Variants in CNTN5 observed in about 807,000 individuals in gnomAD.
CNTN5 encodes contactin 5.
In CNTN5, 77 loss-of-function variants were observed where a neutral mutation model predicts 129.1. The observed-to-expected ratio is 0.60, with a 90% CI of 0.50 to 0.72. The LOEUF is 0.72. CNTN5 is among the 30% of genes least tolerant of loss of function. The probability of loss-of-function intolerance (pLI) is 0.00; values close to 1 mark genes in which losing one functional copy is unlikely to be tolerated. For synonymous variants in CNTN5, 509 were observed against 465.6 expected (o/e 1.09, Z -1.20); for missense variants, 1,478 against 1,328.8 (o/e 1.11, Z -1.75).
chr11:99,908,606 G>T (rs990052815), intron 6 of CNTN5, among the ~76,000 whole-genome samples: 1 of 152,080 alleles, frequency 6.6e-6, no homozygotes, highest in Middle Eastern at 3.4e-3. Context: ...TAAAACCTCT[G>T]CCAGAGTTCA....
At chr11:99,677,328 G>A (rs1215134882) in intron 3 of CNTN5, among the ~76,000 whole-genome samples, 1 of 152,080 alleles carries the variant, frequency 6.6e-6, no homozygotes, top group Admixed American at 6.6e-5. Context: ...CATGGGAGCT[G>A]TTTTTATTAT....
intron 8 of CNTN5, among the ~76,000 whole-genome samples, chr11:99,978,137 A>T (rs571141926): frequency 2.6e-5 from 4 of 152,218 alleles, no homozygotes; most frequent in Non-Finnish European, 5.9e-5. Flanking sequence ...TTTTAACAAA[A>T]GAATTGCAAA....
intron 13 of CNTN5, among the ~76,000 whole-genome samples, chr11:100,150,826 A>G (rs781715967): frequency 6.6e-6 from 1 of 152,136 alleles, no homozygotes; most frequent in African/African-American, 2.4e-5. Context: ...AAAAATTCAT[A>G]TGTTGAACAC....
chr11:99,774,831 T>C (rs1402472335), intron 3 of CNTN5, among the ~76,000 whole-genome samples: 3 of 152,118 alleles, frequency 2.0e-5, no homozygotes, highest in Admixed American at 2.0e-4. Context: ...TTTTGTTCTT[T>C]TCTACTACAT....
intron 3 of CNTN5, among the ~76,000 whole-genome samples, chr11:99,750,328 G>T (rs558353889): frequency 6.6e-6 from 1 of 152,080 alleles, no homozygotes; most frequent in East Asian, 1.9e-4. Flanking sequence ...TGACAGTTTG[G>T]AAAGAGAATT....
intron 3 of CNTN5, among the ~76,000 whole-genome samples, chr11:99,683,511 C>T (rs999814092): frequency 4.6e-5 from 7 of 151,718 alleles, no homozygotes; most frequent in Non-Finnish European, 8.8e-5. Context: ...ATCGTTGTGC[C>T]AATATCATAC....
intron 1 of CNTN5, among the ~76,000 whole-genome samples, chr11:99,081,346 T>G (rs1865789754): frequency 1.3e-5 from 2 of 152,174 alleles, no homozygotes; most frequent in South Asian, 4.1e-4. Context: ...CTTACTTCCA[T>G]AAACATAAAG....
At chr11:99,574,446 G>A (rs535084366) in intron 3 of CNTN5, among the ~76,000 whole-genome samples, 4 of 152,276 alleles carry the variant, frequency 2.6e-5, no homozygotes, top group Non-Finnish European at 4.4e-5. Flanking sequence ...TGGGTCAAAT[G>A]TTATTTCTGG....
At chr11:99,158,963 A>G (rs931791014) in intron 1 of CNTN5, among the ~76,000 whole-genome samples, 4 of 152,196 alleles carry the variant, frequency 2.6e-5, no homozygotes, top group Non-Finnish European at 4.4e-5. Context: ...TTATTACACC[A>G]ATTTCACTTG....
intron 4 of CNTN5, among the ~76,000 whole-genome samples, chr11:99,838,161 T>A (rs936590319): frequency 9.9e-5 from 15 of 152,114 alleles, no homozygotes; most frequent in African/African-American, 3.4e-4. Flanking sequence ...AAGATGAACT[T>A]TATCTTCAGA....
intron 2 of CNTN5, among the ~76,000 whole-genome samples, chr11:99,550,407 G>A (rs1460811358): frequency 1.3e-5 from 2 of 152,026 alleles, no homozygotes; most frequent in Non-Finnish European, 2.9e-5. Flanking sequence ...ATAACTTCAA[G>A]GATATCTTGA....
At chr11:99,288,308 C>T (rs908744898) in intron 1 of CNTN5, among the ~76,000 whole-genome samples, 1 of 151,746 alleles carries the variant, frequency 6.6e-6, no homozygotes, top group African/African-American at 2.4e-5. Flanking sequence ...AATTAGAAGT[C>T]AACTCTGTGA....
intron 2 of CNTN5, among the ~76,000 whole-genome samples, chr11:99,439,460 C>A (rs1462599802): frequency 4.6e-5 from 7 of 151,986 alleles, no homozygotes; most frequent in African/African-American, 9.7e-5. Context: ...GTAATCCCAA[C>A]ACTTTGGGAG....
chr11:100,094,765 AAAGGAAGG>A (rs57565481), intron 13 of CNTN5, among the ~76,000 whole-genome samples: 3,906 of 113,884 alleles, frequency 0.034, 115 homozygotes, highest in African/African-American at 0.07. Flanking sequence ...GGGAGGGAGG[AAAGGAAGG>A]AAGGAAGGAA....
chr11:99,859,956 C>T (rs11221669), intron 6 of CNTN5, among the ~76,000 whole-genome samples: 34,135 of 152,068 alleles, frequency 0.22, 3,883 homozygotes, highest in South Asian at 0.26. Context: ...TTTACATTCC[C>T]ATCAACAGTG....
chr11:99,248,874 A>G (rs1182063565), intron 1 of CNTN5, among the ~76,000 whole-genome samples: 2 of 152,086 alleles, frequency 1.3e-5, no homozygotes, highest in Non-Finnish European at 2.9e-5. Flanking sequence ...ATAGCCTTGT[A>G]GTATAGTTTG....
intron 1 of CNTN5, among the ~76,000 whole-genome samples, chr11:99,064,412 G>T (rs754597586): frequency 4.0e-5 from 6 of 148,744 alleles, no homozygotes; most frequent in Non-Finnish European, 9.0e-5. Flanking sequence ...ACCTGAACCA[G>T]AAAAATGTAC....
intron 6 of CNTN5, among the ~76,000 whole-genome samples, chr11:99,869,498 A>G (rs1591339492): frequency 6.6e-6 from 1 of 152,202 alleles, no homozygotes; most frequent in East Asian, 1.9e-4. Flanking sequence ...TAAGAATTTT[A>G]GCAAACATGC....
At chr11:99,676,631 T>A (rs1426399855) in intron 3 of CNTN5, among the ~76,000 whole-genome samples, 1 of 152,166 alleles carries the variant, frequency 6.6e-6, no homozygotes, top group Middle Eastern at 3.2e-3. Flanking sequence ...TTTCGTTTCA[T>A]AATTTGGTAG....
Sources: allele counts gnomAD v4.1 joint callset (sites outside exome capture counted in the v4.1 genomes callset), GRCh38; gene constraint gnomAD v4.1.1; transcripts MANE v1.5; gene names NCBI Gene and HGNC (gene_info 2026-07-23, HGNC 2026-07-21).